SLC16A7: variants seen among roughly 807,000 people sequenced by gnomAD.
The protein encoded by SLC16A7 is monocarboxylate transporter 2.
A neutral mutation model predicts 34.9 loss-of-function variants in SLC16A7; 33 were observed. The ratio of observed to expected loss-of-function variants is 0.94; its 90% CI spans 0.72 to 1.26. The LOEUF is 1.26. Ranked by LOEUF, SLC16A7 falls within the 50% of genes most tolerant of loss-of-function variation. The pLI is 0.00. For missense variants in SLC16A7, 573 were observed against 578.1 expected (o/e 0.99, Z 0.09); for synonymous variants, 201 against 206.6 (o/e 0.97, Z 0.23).
chr12:59,646,262 A>G (rs1023368538), intron 1 of SLC16A7, among the ~76,000 whole-genome samples: 2 of 152,096 alleles, frequency 1.3e-5, no homozygotes, highest in African/African-American at 2.4e-5. Flanking sequence ...GGAGGGAAAA[A>G]TCATTTCCTG....
intron 2 of SLC16A7, among the ~76,000 whole-genome samples, chr12:59,692,190 C>G (rs766783837): frequency 6.6e-6 from 1 of 151,928 alleles, no homozygotes; most frequent in Non-Finnish European, 1.5e-5. Flanking sequence ...CTCTCTGCGT[C>G]TTCCTTTCTG....
intron 2 of SLC16A7, among the ~76,000 whole-genome samples, chr12:59,697,237 G>T (rs146467974): frequency 1.8e-3 from 271 of 152,074 alleles, no homozygotes; most frequent in Middle Eastern, 6.8e-3. Flanking sequence ...GTAGAGAAAT[G>T]TGAAACAGTT....
intron 2 of SLC16A7, among the ~76,000 whole-genome samples, chr12:59,670,544 G>C (rs775885335): frequency 1.8e-4 from 28 of 152,122 alleles, no homozygotes; most frequent in Non-Finnish European, 2.9e-4. Flanking sequence ...TTATGGGTGA[G>C]ATTTGGGGTA....
At chr12:59,750,837 A>C (rs1049438732) in intron 3 of SLC16A7, among the ~76,000 whole-genome samples, 2 of 152,194 alleles carry the variant, frequency 1.3e-5, no homozygotes, top group Non-Finnish European at 2.9e-5. Context: ...TAGACTGGAT[A>C]AAGAAAATGT....
At chr12:59,605,904 G>A (rs1878916285) in intron 1 of SLC16A7, among the ~76,000 whole-genome samples, 1 of 152,152 alleles carries the variant, frequency 6.6e-6, no homozygotes, top group Admixed American at 6.5e-5. Context: ...CACAGTCAAG[G>A]TATGTAACTT....
At chr12:59,721,385 A>G (rs760301692) in intron 3 of SLC16A7, among the ~76,000 whole-genome samples, 50 of 151,774 alleles carry the variant, frequency 3.3e-4, no homozygotes, top group South Asian at 8.3e-4. Context: ...CCAACTATAC[A>G]CTTCCTTTCT....
intron 2 of SLC16A7, among the ~76,000 whole-genome samples, chr12:59,693,352 TAAAG>T (rs888867090): frequency 6.6e-6 from 1 of 151,876 alleles, no homozygotes; most frequent in Non-Finnish European, 1.5e-5. Context: ...ACAAAATAAA[TAAAG>T]GAACATTCTA....
At chr12:59,676,580 G>A (rs1005368110) in intron 2 of SLC16A7, among the ~76,000 whole-genome samples, 1 of 151,842 alleles carries the variant, frequency 6.6e-6, no homozygotes, top group Non-Finnish European at 1.5e-5. Flanking sequence ...CACTAACAAA[G>A]TTTAATTTCT....
intron 3 of SLC16A7, among the ~76,000 whole-genome samples, chr12:59,758,906 C>A (rs1274039043): frequency 1.3e-5 from 2 of 151,972 alleles, no homozygotes; most frequent in Non-Finnish European, 2.9e-5. Flanking sequence ...TGTTTCATCT[C>A]CAAGTCTTGT....
Position 59,735,012 on chromosome 12 carries a change from G to A in SLC16A7, c.217+29994G>A, listed in dbSNP as rs182905695. ...CTGTATAACTAAATCATCTTGAAAA[G>A]AGTTTAAAACATGATACAAAAATGA... is the stretch of plus-strand genomic sequence containing the variant. On this transcript the variant is annotated intron_variant, in intron 3 of 5. Transcript: ENST00000547379. Among the ~76,000 whole-genome samples the A allele has an allele frequency of 9.7e-4, 148 of 152,234 alleles. 2 individuals are homozygous for A. The highest frequency in any genetic ancestry group is 3.5e-3 in the African/African-American group (144 of 41,542).
intron 2 of SLC16A7, among the ~76,000 whole-genome samples, chr12:59,683,505 C>T (rs2137077395): frequency 6.6e-6 from 1 of 152,220 alleles, no homozygotes; most frequent in South Asian, 2.1e-4. Flanking sequence ...AAAGAAGATG[C>T]ATTCAAGAGC....
At chr12:59,725,000 C>A (rs1035840199) in intron 3 of SLC16A7, among the ~76,000 whole-genome samples, 2 of 151,732 alleles carry the variant, frequency 1.3e-5, no homozygotes, top group Non-Finnish European at 2.9e-5. Flanking sequence ...AAAATGATAC[C>A]TATTGATATT....
chr12:59,730,854 T>C (rs1315665445), intron 3 of SLC16A7, among the ~76,000 whole-genome samples: 1 of 152,204 alleles, frequency 6.6e-6, no homozygotes, highest in African/African-American at 2.4e-5. Flanking sequence ...AGAGACTTGC[T>C]CTCAAGTCTC....
intron 3 of SLC16A7, among the ~76,000 whole-genome samples, chr12:59,767,236 C>A (rs1460910948): frequency 2.0e-5 from 3 of 151,634 alleles, no homozygotes; most frequent in African/African-American, 7.3e-5. Context: ...ATCTTGCTAA[C>A]ATAAAAGTGA....
intron 3 of SLC16A7, among the ~76,000 whole-genome samples, chr12:59,725,904 C>G (rs1160802671): frequency 2.0e-5 from 3 of 152,106 alleles, no homozygotes; most frequent in South Asian, 2.1e-4. Context: ...TGACAGTTTA[C>G]TTGGCACTGT....
chr12:59,741,874 C>T (rs550552091), intron 3 of SLC16A7, among the ~76,000 whole-genome samples: 1 of 152,274 alleles, frequency 6.6e-6, no homozygotes, highest in South Asian at 2.1e-4. Context: ...GCAGCAACCT[C>T]AATTCCTGCC....
intron 2 of SLC16A7, among the ~76,000 whole-genome samples, chr12:59,695,781 A>G (rs548851125): frequency 5.3e-5 from 8 of 152,184 alleles, no homozygotes; most frequent in African/African-American, 1.9e-4. Flanking sequence ...ACAAACTCTT[A>G]GGTACTAAAT....
chr12:59,778,245 T>C (rs1882956139), intron 5 of SLC16A7, among the ~76,000 whole-genome samples: 1 of 152,122 alleles, frequency 6.6e-6, no homozygotes, highest in Non-Finnish European at 1.5e-5. Flanking sequence ...TGACTCAAGT[T>C]AAGAAGGCAA....
chr12:59,721,712 A>G (rs1025219234), intron 3 of SLC16A7, among the ~76,000 whole-genome samples: 4 of 151,872 alleles, frequency 2.6e-5, no homozygotes, highest in Admixed American at 6.6e-5. Context: ...TGCTCTTTCC[A>G]AGTTTCTCAG....
Sources: allele counts gnomAD v4.1 joint callset (sites outside exome capture counted in the v4.1 genomes callset), GRCh38; gene constraint gnomAD v4.1.1; transcripts MANE v1.5; gene names NCBI Gene and HGNC (gene_info 2026-07-23, HGNC 2026-07-21).